Variants in TBL1XR1 observed in about 807,000 individuals in gnomAD.
TBL1XR1 encodes F-box-like/WD repeat-containing protein TBL1XR1.
A neutral mutation model predicts 66.9 loss-of-function variants in TBL1XR1; 5 were observed. That is an observed-to-expected ratio of 0.07 (90% CI 0.04 to 0.16). TBL1XR1 has a LOEUF of 0.16. Ranked by LOEUF, TBL1XR1 falls within the 10% of genes least tolerant of loss-of-function variation. TBL1XR1 has a pLI of 1.00. For missense variants in TBL1XR1, 238 were observed against 623.2 expected (o/e 0.38, Z 6.58); for synonymous variants, 210 against 206.0 (o/e 1.02, Z -0.17).
rs536206716 is a variant in TBL1XR1, at chr3:177,194,769, T to C, written c.-122+2352A>G. Among the ~76,000 whole-genome samples, 7 of 152,342 alleles carry C rather than the reference T, an allele frequency of 4.6e-5. No homozygotes were observed. The South Asian group carries it at 1.4e-3, about 32-fold the overall frequency. On this transcript the variant is annotated intron_variant, in intron 1 of 15. Transcript: ENST00000457928. ...TAATTCTTTCGGGAGACTGGTGTCA[T>C]GGTAATCATGCAAAACCTTTAATTA...
chr3:177,073,673 T>C (rs16827791), intron 2 of TBL1XR1, among the ~76,000 whole-genome samples: 16,635 of 152,182 alleles, frequency 0.11, 1,022 homozygotes, highest in African/African-American at 0.13. Context: ...TGTAGCAATA[T>C]AGAAATCCAT....
At chr3:177,073,913 T>C (rs1720360506) in intron 2 of TBL1XR1, among the ~76,000 whole-genome samples, 1 of 152,206 alleles carries the variant, frequency 6.6e-6, no homozygotes, top group Non-Finnish European at 1.5e-5. Flanking sequence ...TCCCTTTCCT[T>C]CTAACCAAAA....
At position 177,050,030 on chromosome 3, in the gene TBL1XR1, T is replaced by C. The variant is rs61750378; in HGVS notation, c.669A>G (p.Pro223=). 6.4e-3 allele frequency: 10,388 copies of C among 1,613,678 alleles called. 39 individuals carry two copies. Among genetic ancestry groups the C allele is most frequent in the Non-Finnish European group, 7.8e-3 (9,254 of 1,179,738 alleles). ...HCIREGGQDV[P]SNKDVTSLDW... ...CTAGAGATGTGACATCCTTGTTGCTTGGAACATCTTGCCCTCCTTCTCGTA... is the reference window on the plus strand; with the variant it reads ...CTAGAGATGTGACATCCTTGTTGCTCGGAACATCTTGCCCTCCTTCTCGTA... The change falls in exon 7 of 16, where the codon CCA becomes CCG. Residue 223 remains proline (P), a synonymous_variant. Transcript: ENST00000457928.
rs992028486 is a variant in TBL1XR1, at chr3:177,030,120, G to GTA, written c.1416+2849_1416+2850dup. Reference sequence around the variant, plus strand: ...TGTGTGTGTGTATGTGTGTGTGTGTGTATATATATATAGAGAGAGAGAGAG... The same window carrying GTA: ...TGTGTGTGTGTATGTGTGTGTGTGTGTATATATATATATAGAGAGAGAGAGAG... On this transcript the variant is annotated intron_variant, in intron 14 of 15. Transcript: ENST00000457928. Among the ~76,000 whole-genome samples, 446 of 145,450 alleles carry GTA rather than the reference G, an allele frequency of 3.1e-3. 4 individuals are homozygous for GTA. The highest frequency in any genetic ancestry group is 9.5e-3 in the African/African-American group (381 of 40,078).
chr3:177,189,649 C>CAAAAAAAA lies in TBL1XR1; in HGVS notation c.-122+7464_-122+7471dup, dbSNP rs761647251. On this transcript the variant is annotated intron_variant, in intron 1 of 15. Coordinates refer to ENST00000457928, the MANE Select transcript of TBL1XR1 (RefSeq NM_024665.7). ...TGGGAGACAGAGCAAGACTCCATCT[C>CAAAAAAAA]AAAAAAAAAAAAAAAAGAAGGATGT... Among the ~76,000 whole-genome samples, 44 of 45,212 alleles carry CAAAAAAAA rather than the reference C, an allele frequency of 9.7e-4. 1 individual carries two copies. The highest frequency in any genetic ancestry group is 3.4e-3 in the African/African-American group (39 of 11,606). 29.7% of individuals were successfully genotyped at this position (45,212 alleles called of 152,430 possible). A position where few individuals can be genotyped will look rare whatever the true frequency, so the allele number is the denominator to read the frequency against.
intron 1 of TBL1XR1, among the ~76,000 whole-genome samples, chr3:177,135,266 T>C (rs1253884312): frequency 2.2e-5 from 3 of 138,928 alleles, no homozygotes; most frequent in Non-Finnish European, 4.6e-5. Context: ...CCTCCAAAAG[T>C]GCTGGGATTA....
chr3:177,030,968 C>T (rs941707860), intron 14 of TBL1XR1, among the ~76,000 whole-genome samples: 6 of 152,018 alleles, frequency 3.9e-5, no homozygotes, highest in African/African-American at 9.7e-5. Context: ...CAAAACTAGC[C>T]GGGTGTGGTG....
At chr3:177,181,566 T>C (rs1661560885) in intron 1 of TBL1XR1, among the ~76,000 whole-genome samples, 1 of 151,310 alleles carries the variant, frequency 6.6e-6, no homozygotes, top group Non-Finnish European at 1.5e-5. Flanking sequence ...TGCTAGATTG[T>C]GATAGATTCC....
chr3:177,081,962 T>C (rs1259319829), intron 2 of TBL1XR1, among the ~76,000 whole-genome samples: 1 of 152,116 alleles, frequency 6.6e-6, no homozygotes, highest in African/African-American at 2.4e-5. Flanking sequence ...AATTTGATGT[T>C]TAAATAACTA....
intron 1 of TBL1XR1, among the ~76,000 whole-genome samples, chr3:177,163,012 C>G (rs897192361): frequency 5.9e-5 from 9 of 152,136 alleles, no homozygotes; most frequent in Non-Finnish European, 1.3e-4. Context: ...TTTACAAATG[C>G]ACGTATCCTT....
Position 177,133,932 on chromosome 3 carries a change from G to C in TBL1XR1, c.-121-35391C>G, listed in dbSNP as rs188363003. ...TGTTAACACTATATATTGGACGTCT[G>C]TTGTTTTTAGTCTTCCGCTTTTGCT... On this transcript the variant is annotated intron_variant, in intron 1 of 15. Coordinates refer to ENST00000457928, the MANE Select transcript of TBL1XR1 (RefSeq NM_024665.7). 1.6e-3 allele frequency among the ~76,000 whole-genome samples: 246 copies of C among 149,104 alleles called. 2 individuals are homozygous for C. Among genetic ancestry groups the C allele is most frequent in the African/African-American group, 5.6e-3 (227 of 40,718 alleles).
chr3:177,163,336 G>A (rs1454377458), intron 1 of TBL1XR1, among the ~76,000 whole-genome samples: 2 of 151,918 alleles, frequency 1.3e-5, no homozygotes, highest in South Asian at 2.1e-4. Flanking sequence ...AGGAAACCCC[G>A]TCTCTACTCA....
chr3:177,022,977 G>A lies in TBL1XR1; in HGVS notation c.*2521C>T, dbSNP rs1166045068. ...GCTCTGTATTTATAATCTTTTATAT[G>A]TCCTATTGTGGCTATTATGCTTAAG... On this transcript the variant is annotated 3_prime_UTR_variant, in exon 16 of 16. Transcript: ENST00000457928. The A allele has an allele frequency of 6.6e-6, 1 of 151,642 alleles. No homozygotes were observed. Among genetic ancestry groups the A allele is most frequent in the Non-Finnish European group, 1.5e-5 (1 of 67,854 alleles). The allele number at this position is 151,642 out of a possible 1,614,324, so 9.4% of individuals were successfully genotyped here. A position where few individuals can be genotyped will look rare whatever the true frequency, so the allele number is the denominator to read the frequency against.
chr3:177,154,217 A>G (rs1226324563), intron 1 of TBL1XR1, among the ~76,000 whole-genome samples: 2 of 152,204 alleles, frequency 1.3e-5, no homozygotes, highest in Non-Finnish European at 1.5e-5. Flanking sequence ...AAAATTAAGC[A>G]TAAGGAAGCT....
At chr3:177,058,884 T>C (rs1484670053) in intron 3 of TBL1XR1, among the ~76,000 whole-genome samples, 1 of 151,938 alleles carries the variant, frequency 6.6e-6, no homozygotes, top group East Asian at 1.9e-4. Context: ...CAGCAAAAAA[T>C]GGTAATTCAG....
At chr3:177,050,849 G>A (rs1716979263) in intron 5 of TBL1XR1, among the ~76,000 whole-genome samples, 1 of 151,574 alleles carries the variant, frequency 6.6e-6, no homozygotes, top group African/African-American at 2.4e-5. Context: ...GGAGTGGGAT[G>A]GGAGACTTTA....
intron 1 of TBL1XR1, among the ~76,000 whole-genome samples, chr3:177,194,746 A>G (rs7611092): frequency 0.61 from 92,206 of 152,074 alleles, 28,234 homozygotes; most frequent in East Asian, 0.75. Flanking sequence ...GTTACCTCTA[A>G]TTCTTTCGGG....
intron 12 of TBL1XR1, among the ~76,000 whole-genome samples, 194 bp from the exon 13 acceptor site, chr3:177,034,519 A>T (rs1269523602): frequency 6.6e-6 from 1 of 152,060 alleles, no homozygotes; most frequent in African/African-American, 2.4e-5. Context: ...TTTAAAAAAA[A>T]AAGTTAGCTT....
chr3:177,131,319 G>T, intron 1 of TBL1XR1: 1 of 985,040 alleles, frequency 1.0e-6, no homozygotes, highest in South Asian at 4.7e-5. Flanking sequence ...GAGAGTCCAG[G>T]AAAAATAAAG....
Sources: gnomAD v4.1 joint callset for allele counts (sites outside exome capture counted in the v4.1 genomes callset) on GRCh38, gnomAD v4.1.1 for gene constraint, MANE v1.5 for transcripts, NCBI Gene and HGNC (gene_info 2026-07-23, HGNC 2026-07-21) for gene names.